TIGIT: variants seen among roughly 807,000 people sequenced by gnomAD.
TIGIT encodes T-cell immunoreceptor with Ig and ITIM domains.
TIGIT carries 11 observed loss-of-function variants against 19.6 expected under a neutral mutation model. The observed-to-expected ratio is 0.56, with a 90% CI of 0.35 to 0.93. The LOEUF (loss-of-function observed/expected upper bound fraction) is 0.93, where lower values mean the gene tolerates loss of function less well. Among genes scored for constraint, TIGIT ranks in the 40% least tolerant of loss-of-function variants. The pLI, the probability that TIGIT is intolerant of heterozygous loss-of-function variation, is 0.01. For missense variants in TIGIT, 295 were observed against 303.9 expected (o/e 0.97, Z 0.22); for synonymous variants, 130 against 125.5 (o/e 1.04, Z -0.24).
chr3:114,303,573 GTATATATATATA>G (rs746613492), intron 3 of TIGIT, among the ~76,000 whole-genome samples: 2 of 46,664 alleles, frequency 4.3e-5, no homozygotes, highest in South Asian at 5.8e-4. Flanking sequence ...ACATATATAT[GTATATATATATA>G]TACATATATA....
Position 114,308,135 on chromosome 3 carries a change from C to T in TIGIT, c.*4C>T. 1 of 1,611,470 alleles carries T rather than the reference C, an allele frequency of 6.2e-7. No homozygotes were observed. The highest frequency in any genetic ancestry group is 8.5e-7 in the Non-Finnish European group (1 of 1,177,892). ...CTTCTTCACAGAGACTGGTTAGCAACCAGAGGCATCTTCTGGAAGATACAC... is the reference window on the plus strand; with the variant it reads ...CTTCTTCACAGAGACTGGTTAGCAATCAGAGGCATCTTCTGGAAGATACAC... On this transcript the variant is annotated 3_prime_UTR_variant, in exon 4 of 4. Transcript: ENST00000383671.
At position 114,295,598 on chromosome 3, in the gene TIGIT, G is replaced by T; in HGVS notation, c.115G>T (p.Gly39Cys). The change falls in exon 2 of 4, where the codon GGC becomes TGC. Residue 39 changes from glycine (G) to cysteine (C), a missense_variant. Coordinates refer to ENST00000383671, the MANE Select transcript of TIGIT (RefSeq NM_173799.4). ...TTGNISAEKGGSIILQCHLSS... is the reference protein window; with the variant it reads ...TTGNISAEKGCSIILQCHLSS... ...GGGGAACATTTCTGCAGAGAAAGGT[G>T]GCTCTATCATCTTACAATGTCACCT... 1 of 1,614,186 alleles carries T rather than the reference G, an allele frequency of 6.2e-7. No homozygotes were observed. The highest frequency in any genetic ancestry group is 1.3e-5 in the African/African-American group (1 of 75,034).
chr3:114,299,148 G>A (rs1365799893), intron 2 of TIGIT, among the ~76,000 whole-genome samples: 1 of 152,142 alleles, frequency 6.6e-6, no homozygotes. Flanking sequence ...AGGCTTAAGG[G>A]AAAAGGTTAC....
Position 114,308,191 on chromosome 3 carries a change from A to G in TIGIT, c.*60A>G. 1 of 1,375,596 alleles carries G rather than the reference A, an allele frequency of 7.3e-7. No homozygotes were observed. Among genetic ancestry groups the G allele is most frequent in the Non-Finnish European group, 1.0e-6 (1 of 972,972 alleles). The allele number at this position is 1,375,596 out of a possible 1,614,324, so 85.2% of individuals were successfully genotyped here. A position where few individuals can be genotyped will look rare whatever the true frequency, so the allele number is the denominator to read the frequency against. ...TCTTTGCTATTATAGATGAATATAT[A>G]AGCAGCTGTACTCTCCATCAGTGCT... On this transcript the variant is annotated 3_prime_UTR_variant, in exon 4 of 4. Transcript: ENST00000383671.
chr3:114,296,345 C>T (rs1274515211), intron 2 of TIGIT, among the ~76,000 whole-genome samples: 1 of 152,172 alleles, frequency 6.6e-6, no homozygotes, highest in Non-Finnish European at 1.5e-5. Context: ...TCCCAAATGC[C>T]CTCATATTTG....
intron 1 of TIGIT, 77 bp from the exon 2 acceptor site, chr3:114,295,468 G>A (rs978251012): frequency 2.1e-4 from 248 of 1,194,346 alleles, no homozygotes; most frequent in Non-Finnish European, 2.8e-4. Flanking sequence ...GGCCTCAAAG[G>A]CCCTTAGAAT....
intron 2 of TIGIT, among the ~76,000 whole-genome samples, chr3:114,297,618 T>C (rs1209700260): frequency 6.6e-6 from 1 of 152,164 alleles, no homozygotes; most frequent in Non-Finnish European, 1.5e-5. Flanking sequence ...TACCAGCAAC[T>C]GAAGACCAAA....
At chr3:114,303,630 T>TATATACATATATATGTATATATATAC (rs1281900522) in intron 3 of TIGIT, among the ~76,000 whole-genome samples, 43 of 115,552 alleles carry the variant, frequency 3.7e-4, no homozygotes, top group African/African-American at 1.3e-3. Flanking sequence ...TGTATATATA[T>TATATACATATATATGTATATATATAC]ACACACACAC....
rs946827803 is a variant in TIGIT, at chr3:114,306,421, CACA to C, written c.499-1470_499-1468del. Among the ~76,000 whole-genome samples the C allele has an allele frequency of 5.8e-4, 88 of 152,204 alleles. No individual in the cohort carries two copies. In the Middle Eastern group the frequency reaches 0.01, roughly 18 times the overall value. On this transcript the variant is annotated intron_variant, in intron 3 of 3. Coordinates refer to ENST00000383671, the MANE Select transcript of TIGIT (RefSeq NM_173799.4). ...GATACCTAAAATTAGCTATGACAGGCACAACAGCATTCACTACAGACCTTGAGA... is the reference window on the plus strand; with the variant it reads ...GATACCTAAAATTAGCTATGACAGGCACAGCATTCACTACAGACCTTGAGA...
At chr3:114,304,438 C>A (rs961490735) in intron 3 of TIGIT, among the ~76,000 whole-genome samples, 15 of 152,168 alleles carry the variant, frequency 9.9e-5, no homozygotes, top group African/African-American at 2.2e-4. Flanking sequence ...GTTGTCATCT[C>A]TATTGACAGC....
At chr3:114,304,538 T>C (rs2107954183) in intron 3 of TIGIT, among the ~76,000 whole-genome samples, 1 of 152,356 alleles carries the variant, frequency 6.6e-6, no homozygotes, top group East Asian at 1.9e-4. Context: ...TCCAGGCTTA[T>C]GTTCTACCCC....
In TIGIT at chr3:114,307,039, GA is replaced by G. The variant is rs1426730308; in HGVS notation, c.499-855del. On this transcript the variant is annotated intron_variant, in intron 3 of 3. Transcript: ENST00000383671. ...AAGACATGGATATAGAGATGGAAAA[GA>G]GGGAGTAGATTTCAGAACTGCCTAG... 9.2e-5 allele frequency among the ~76,000 whole-genome samples: 14 copies of G among 152,348 alleles called. No homozygotes were observed. The South Asian group carries it at 2.9e-3, about 32-fold the overall frequency.
rs1442193093 is a variant in TIGIT at position 114,299,615 on chromosome 3, G to T, written c.410G>T (p.Arg137Met). The change falls in exon 3 of 4, where the codon AGG becomes ATG. Residue 137 changes from arginine (R) to methionine (M), a missense_variant. By Grantham distance (91) the Arg-to-Met change is moderately conservative (BLOSUM62 -1). Coordinates refer to ENST00000383671, the MANE Select transcript of TIGIT (RefSeq NM_173799.4). The stretch of plus-strand genomic sequence containing the variant: ...CCTCTAGTGGCTGAGCACGGTGCCA[G>T]GTTCCAGATTCCATTGCTTGGAGCC... The part of the protein sequence containing the change: ...LESSVAEHGA[R>M]FQIPLLGAMA... 2 of 1,613,388 alleles carry T rather than the reference G, an allele frequency of 1.2e-6. No homozygotes were observed. The highest frequency in any genetic ancestry group is 1.7e-6 in the Non-Finnish European group (2 of 1,179,894).
intron 3 of TIGIT, among the ~76,000 whole-genome samples, chr3:114,301,259 C>T (rs1428045514): frequency 6.6e-6 from 1 of 152,190 alleles, no homozygotes; most frequent in Non-Finnish European, 1.5e-5. Flanking sequence ...AGATCCTAAC[C>T]CACTTTTCCT....
rs1036540070 is a variant in TIGIT at position 114,309,509 on chromosome 3, C to T, written c.*1378C>T. 6.6e-6 allele frequency: 1 copy of T among 152,182 alleles called. No homozygotes were observed. The highest frequency in any genetic ancestry group is 2.4e-5 in the African/African-American group (1 of 41,442). The allele number at this position is 152,182 out of a possible 1,614,324, so 9.4% of individuals were successfully genotyped here. On this transcript the variant is annotated 3_prime_UTR_variant, in exon 4 of 4. Transcript: ENST00000383671. ...ATTGTCCTGCTTCCTAAGACTTAGACTGGGGTTGACAATTGTTTTAGCAAC... is the reference window on the plus strand; with the variant it reads ...ATTGTCCTGCTTCCTAAGACTTAGATTGGGGTTGACAATTGTTTTAGCAAC...
At chr3:114,296,811 A>G (rs1183230304) in intron 2 of TIGIT, among the ~76,000 whole-genome samples, 4 of 151,962 alleles carry the variant, frequency 2.6e-5, no homozygotes, top group Admixed American at 1.3e-4. Flanking sequence ...TATGTTGAAG[A>G]TTAAGTTATA....
Position 114,308,136 on chromosome 3 carries a change from C to T in TIGIT, c.*5C>T. 1 of 1,611,576 alleles carries T rather than the reference C, an allele frequency of 6.2e-7. No individual in the cohort carries two copies. The highest frequency in any genetic ancestry group is 8.5e-7 in the Non-Finnish European group (1 of 1,178,026). On this transcript the variant is annotated 3_prime_UTR_variant, in exon 4 of 4. Coordinates refer to ENST00000383671, the MANE Select transcript of TIGIT (RefSeq NM_173799.4). ...TTCTTCACAGAGACTGGTTAGCAAC[C>T]AGAGGCATCTTCTGGAAGATACACT...
chr3:114,299,726 G>A (rs199670726), intron 3 of TIGIT, 23 bp downstream of exon 3: 48 of 1,511,514 alleles, frequency 3.2e-5, no homozygotes, highest in East Asian at 4.5e-5. Flanking sequence ...GCTGCACACC[G>A]CAGTCATGGG....
intron 3 of TIGIT, among the ~76,000 whole-genome samples, chr3:114,304,001 T>C (rs1456009180): frequency 6.6e-6 from 1 of 152,214 alleles, no homozygotes; most frequent in Non-Finnish European, 1.5e-5. Flanking sequence ...GTTTCCCTGA[T>C]AATTAGTGAT....
Sources: gnomAD v4.1 joint callset for allele counts (sites outside exome capture counted in the v4.1 genomes callset) on GRCh38, gnomAD v4.1.1 for gene constraint, MANE v1.5 for transcripts, NCBI Gene and HGNC (gene_info 2026-07-23, HGNC 2026-07-21) for gene names.